The following ATP8A1 variants were observed in gnomAD, a reference collection of about 807,000 sequenced individuals.
ATP8A1 encodes ATPase phospholipid transporting 8A1.
Under a neutral mutation model 177.7 loss-of-function variants are expected in ATP8A1, and 90 were observed. The observed-to-expected ratio is 0.51, with a 90% CI of 0.43 to 0.60. The LOEUF (loss-of-function observed/expected upper bound fraction) is 0.60, where lower values mean the gene tolerates loss of function less well. Ranked by LOEUF, ATP8A1 falls within the 20% of genes least tolerant of loss-of-function variation. ATP8A1 has a pLI of 0.00. For missense variants in ATP8A1, 1,072 were observed against 1,392.8 expected (o/e 0.77, Z 3.67); for synonymous variants, 493 against 485.9 (o/e 1.01, Z -0.19).
chr4:42,519,700 A>G (rs1478365510), intron 22 of ATP8A1, among the ~76,000 whole-genome samples: 3 of 152,358 alleles, frequency 2.0e-5, no homozygotes, highest in Admixed American at 6.5e-5. Context: ...ACACAGAATC[A>G]GTCTTCATTT....
chr4:42,509,849 CAAAAA>C (rs751055015), intron 22 of ATP8A1, among the ~76,000 whole-genome samples: 5 of 79,008 alleles, frequency 6.3e-5, no homozygotes, highest in African/African-American at 1.3e-4. Context: ...GAGACAGTCT[CAAAAA>C]AAAAAAAAAA....
At chr4:42,438,760 G>C (rs1192695721) in intron 33 of ATP8A1, among the ~76,000 whole-genome samples, 2 of 152,168 alleles carry the variant, frequency 1.3e-5, no homozygotes, top group African/African-American at 4.8e-5. Context: ...AGAAGGTACT[G>C]AATTCCTCAG....
chr4:42,424,786 CG>C (rs1714395054), intron 33 of ATP8A1, among the ~76,000 whole-genome samples: 1 of 152,052 alleles, frequency 6.6e-6, no homozygotes, highest in Admixed American at 6.6e-5. Flanking sequence ...CGATACAGAC[CG>C]CAGGTTCAGG....
At chr4:42,644,235 G>T (rs6851867) in intron 1 of ATP8A1, among the ~76,000 whole-genome samples, 79 of 152,054 alleles carry the variant, frequency 5.2e-4, no homozygotes, top group Middle Eastern at 6.8e-3. Flanking sequence ...AAATTCCACC[G>T]GGAAATTCAC....
At chr4:42,468,337 T>A (rs1366138070) in intron 25 of ATP8A1, among the ~76,000 whole-genome samples, 4 of 152,092 alleles carry the variant, frequency 2.6e-5, no homozygotes, top group African/African-American at 9.7e-5. Context: ...CAAATGCCCA[T>A]CAATCAACAA....
chr4:42,594,911 A>T (rs1041969199), intron 6 of ATP8A1, among the ~76,000 whole-genome samples: 1 of 152,174 alleles, frequency 6.6e-6, no homozygotes, highest in African/African-American at 2.4e-5. Flanking sequence ...TTGTGAAACT[A>T]TCAATGTATT....
intron 1 of ATP8A1, among the ~76,000 whole-genome samples, chr4:42,655,537 T>C (rs1056009934): frequency 6.6e-6 from 1 of 152,258 alleles, no homozygotes; most frequent in African/African-American, 2.4e-5. Context: ...TTTTACAGTG[T>C]GCATTTTAAA....
intron 6 of ATP8A1, among the ~76,000 whole-genome samples, chr4:42,596,601 A>T (rs1392295694): frequency 7.1e-6 from 1 of 141,608 alleles, no homozygotes; most frequent in Non-Finnish European, 1.5e-5. Flanking sequence ...CAGGAGGTGG[A>T]GGTTGCAGTG....
intron 33 of ATP8A1, among the ~76,000 whole-genome samples, chr4:42,432,834 T>C (rs1050505828): frequency 6.6e-6 from 1 of 152,210 alleles, no homozygotes; most frequent in Non-Finnish European, 1.5e-5. Context: ...CTGGGCCTTA[T>C]CATTAAGAAC....
At chr4:42,572,981 C>A (rs1186900838) in intron 14 of ATP8A1, among the ~76,000 whole-genome samples, 1 of 151,976 alleles carries the variant, frequency 6.6e-6, no homozygotes, top group Non-Finnish European at 1.5e-5. Context: ...GAGCTCAGAC[C>A]CACCCTATAA....
chr4:42,571,258 C>T (rs1731876254), intron 14 of ATP8A1, among the ~76,000 whole-genome samples: 1 of 152,032 alleles, frequency 6.6e-6, no homozygotes, highest in Non-Finnish European at 1.5e-5. Flanking sequence ...CAAATACTGT[C>T]AAGTAAAGTT....
At chr4:42,578,130 A>T in intron 12 of ATP8A1, 130 bp downstream of exon 12, 1 of 873,410 alleles carries the variant, frequency 1.1e-6, no homozygotes, top group Non-Finnish European at 1.6e-6. Flanking sequence ...GCAACAAATT[A>T]GGTTCAAAAA....
In ATP8A1 at chr4:42,408,928, G is replaced by T. The variant is rs994209826; in HGVS notation, c.*3988C>A. On this transcript the variant is annotated 3_prime_UTR_variant, in exon 37 of 37. Coordinates refer to ENST00000381668, the MANE Select transcript of ATP8A1 (RefSeq NM_006095.2). ...TCAAAGTAAGCAAATATGAAATCTA[G>T]CTTTCCTACTTAAGGGAGATTTATT... The T allele has an allele frequency of 1.3e-5, 2 of 152,144 alleles. No homozygotes were observed. Among genetic ancestry groups the T allele is most frequent in the African/African-American group, 4.8e-5 (2 of 41,454 alleles). 9.4% of individuals were successfully genotyped at this position (152,144 alleles called of 1,614,324 possible).
Position 42,552,559 on chromosome 4 carries a change from T to C in ATP8A1, c.1465A>G (p.Thr489Ala), listed in dbSNP as rs1729611985. The C allele has an allele frequency of 1.2e-6, 2 of 1,613,674 alleles. No homozygotes were observed. Among genetic ancestry groups the C allele is most frequent in the African/African-American group, 1.3e-5 (1 of 74,920 alleles). Residue 489 changes from threonine to alanine, a missense_variant, in exon 17 of 37, where the codon ACA becomes GCA. By Grantham distance (58) the Thr-to-Ala change is moderately conservative. Transcript: ENST00000381668. The part of the protein sequence containing the change: ...EFLTMMAVCH[T>A]AVPEREGDKI... ...TCACCTTCTCGCTCTGGCACTGCTG[T>C]GTGACAGACTGCCATCATTGTAAGA...
intron 24 of ATP8A1, among the ~76,000 whole-genome samples, chr4:42,500,991 T>C (rs936546138): frequency 3.3e-5 from 5 of 152,052 alleles, no homozygotes; most frequent in African/African-American, 1.2e-4. Flanking sequence ...GGAGAAAGGG[T>C]TTTCTATCTG....
chr4:42,432,337 TATATC>T (rs1715402376), intron 33 of ATP8A1, among the ~76,000 whole-genome samples: 1 of 152,170 alleles, frequency 6.6e-6, no homozygotes, highest in Admixed American at 6.5e-5. Context: ...AAGGTAGAAA[TATATC>T]AGTAGAATGC....
chr4:42,457,820 T>C (rs1577970395), intron 27 of ATP8A1, among the ~76,000 whole-genome samples: 1 of 152,220 alleles, frequency 6.6e-6, no homozygotes, highest in Non-Finnish European at 1.5e-5. Context: ...AACTAACATG[T>C]TTGTTTCCAA....
At chr4:42,577,270 A>G (rs1397649088) in intron 12 of ATP8A1, among the ~76,000 whole-genome samples, 1 of 152,212 alleles carries the variant, frequency 6.6e-6, no homozygotes, top group Non-Finnish European at 1.5e-5. Flanking sequence ...TCTTACTTAT[A>G]TTTGTACATA....
intron 24 of ATP8A1, among the ~76,000 whole-genome samples, chr4:42,487,977 A>G (rs895514736): frequency 1.3e-5 from 2 of 152,104 alleles, no homozygotes; most frequent in African/African-American, 4.8e-5. Context: ...AGCTGTTTTA[A>G]TTTACAAGCC....
Sources: gnomAD v4.1 joint callset for allele counts (sites outside exome capture counted in the v4.1 genomes callset) on GRCh38, gnomAD v4.1.1 for gene constraint, MANE v1.5 for transcripts, NCBI Gene and HGNC (gene_info 2026-07-23, HGNC 2026-07-21) for gene names.